The following SLC38A4 variants were observed in gnomAD, a reference collection of about 807,000 sequenced individuals.
The protein encoded by SLC38A4 is solute carrier family 38 member 4.
SLC38A4 carries 20 observed loss-of-function variants against 63.1 expected under a neutral mutation model. The observed-to-expected ratio is 0.32, with a 90% CI of 0.22 to 0.46. The LOEUF is 0.46. Among genes scored for constraint, SLC38A4 ranks in the 20% least tolerant of loss-of-function variants. The pLI is 1.00. For synonymous variants in SLC38A4, 230 were observed against 225.5 expected (o/e 1.02, Z -0.18); for missense variants, 526 against 663.6 (o/e 0.79, Z 2.28).
intron 14 of SLC38A4, among the ~76,000 whole-genome samples, chr12:46,770,298 A>C (rs1030370598): frequency 1.4e-5 from 2 of 143,530 alleles, no homozygotes; most frequent in African/African-American, 4.9e-5. Context: ...TTTTAAAATA[A>C]AATTTTAAAA....
upstream of SLC38A4, among the ~76,000 whole-genome samples, chr12:46,830,283 T>TTCTC (rs142069074): frequency 8.1e-3 from 1,200 of 148,034 alleles, 17 homozygotes; most frequent in African/African-American, 0.025. Context: ...ATTTAAGAAA[T>TTCTC]TCTCTCTCTC....
chr12:46,767,682 A>G (rs1447327360), intron 16 of SLC38A4, among the ~76,000 whole-genome samples: 2 of 152,148 alleles, frequency 1.3e-5, no homozygotes, highest in African/African-American at 4.8e-5. Context: ...AAGCCTTAAC[A>G]TGACTTTATT....
chr12:46,785,791 C>A (rs180434), intron 5 of SLC38A4, among the ~76,000 whole-genome samples: 1 of 142,106 alleles, frequency 7.0e-6, no homozygotes, highest in African/African-American at 2.6e-5. Flanking sequence ...GGTGTTAGGA[C>A]CCCCACATGC....
intron 1 of SLC38A4, among the ~76,000 whole-genome samples, chr12:46,808,984 T>A: frequency 6.6e-6 from 1 of 152,056 alleles, no homozygotes; most frequent in African/African-American, 2.4e-5. Context: ...TTTAAAAAAT[T>A]ACATTCTTCT....
At chr12:46,773,361 G>A (rs1323380027) in intron 14 of SLC38A4, among the ~76,000 whole-genome samples, 1 of 152,094 alleles carries the variant, frequency 6.6e-6, no homozygotes, top group African/African-American at 2.4e-5. Flanking sequence ...ACTCTGTGGG[G>A]CAGTGGAGCA....
At position 46,779,565 on chromosome 12, in the gene SLC38A4, A is replaced by C. The variant is rs757716975; in HGVS notation, c.717+46T>G. 3 of 1,510,492 alleles carry C rather than the reference A, an allele frequency of 2.0e-6. No homozygotes were observed. The Admixed American group carries it at 6.5e-5, about 33-fold the overall frequency. 93.6% of individuals were successfully genotyped at this position (1,510,492 alleles called of 1,614,324 possible). ...AGGACACTAATTTAGGCACAAAAAA[A>C]CTCATGCTAACCAACCTGCAAGGAT... On this transcript the variant is annotated intron_variant, in intron 10 of 16. Transcript: ENST00000266579.
At chr12:46,800,460 A>C (rs1036443144) in intron 2 of SLC38A4, among the ~76,000 whole-genome samples, 2 of 151,990 alleles carry the variant, frequency 1.3e-5, no homozygotes, top group African/African-American at 4.8e-5. Flanking sequence ...CTGCCACTGC[A>C]GGACCTCTTA....
chr12:46,814,010 C>T (rs944130397), intron 1 of SLC38A4, among the ~76,000 whole-genome samples: 2 of 151,872 alleles, frequency 1.3e-5, no homozygotes, highest in African/African-American at 2.4e-5. Context: ...GCAAATATTC[C>T]GGAACTCAGT....
chr12:46,772,485 G>A (rs1416105318), intron 14 of SLC38A4, among the ~76,000 whole-genome samples: 1 of 152,014 alleles, frequency 6.6e-6, no homozygotes, highest in Non-Finnish European at 1.5e-5. Context: ...TGCATAAAGG[G>A]AAGCATAAGC....
chr12:46,772,200 T>G (rs1938432783), intron 14 of SLC38A4, among the ~76,000 whole-genome samples: 1 of 151,876 alleles, frequency 6.6e-6, no homozygotes. Context: ...CAGGTTTGCT[T>G]AAGGCAAGGA....
Position 46,765,772 on chromosome 12 carries a change from G to T in SLC38A4, c.*929C>A, listed in dbSNP as rs1938285707. 6.2e-6 allele frequency: 1 copy of T among 161,258 alleles called. No homozygotes were observed. Among genetic ancestry groups the T allele is most frequent in the African/African-American group, 2.4e-5 (1 of 41,426 alleles). The allele number at this position is 161,258 out of a possible 1,614,324, so 10.0% of individuals were successfully genotyped here. A position where few individuals can be genotyped will look rare whatever the true frequency, so the allele number is the denominator to read the frequency against. Reference sequence around the variant, plus strand: ...ATACATAAACATATAGCAAATCACAGTTTCCTGCACTGAATGTTTATCAAA... The same window carrying T: ...ATACATAAACATATAGCAAATCACATTTTCCTGCACTGAATGTTTATCAAA... On this transcript the variant is annotated 3_prime_UTR_variant, in exon 17 of 17. Coordinates refer to ENST00000266579, the MANE Select transcript of SLC38A4 (RefSeq NM_018018.5).
chr12:46,782,743 A>G (rs1393838521), intron 7 of SLC38A4, among the ~76,000 whole-genome samples: 1 of 151,266 alleles, frequency 6.6e-6, no homozygotes, highest in Admixed American at 6.6e-5. Flanking sequence ...ATGTTACCTT[A>G]TTTCATCCTC....
intron 6 of SLC38A4, 139 bp downstream of exon 6, chr12:46,784,965 T>C: frequency 2.5e-6 from 2 of 797,238 alleles, no homozygotes; most frequent in Non-Finnish European, 4.2e-6. Flanking sequence ...CTATAAACAC[T>C]GAGAGATCGT....
Position 46,788,004 on chromosome 12 carries a change from A to G in SLC38A4, c.238T>C (p.Ser80Pro). ...ATGGCATTACTCAGGTTAAATGAAG[A>G]CATTCCAAAGGAAGTGGTTCCGGGA... is the stretch of plus-strand genomic sequence containing the variant. ...HHPGTTSFGM[S>P]SFNLSNAIMG... The change falls in exon 5 of 17, where the codon TCT becomes CCT. Residue 80 changes from serine (S) to proline (P), a missense_variant. By Grantham distance (74) the Ser-to-Pro change is moderately conservative. Transcript: ENST00000266579. 2 of 1,613,856 alleles carry G rather than the reference A, an allele frequency of 1.2e-6. No homozygotes were observed. The highest frequency in any genetic ancestry group is 1.7e-6 in the Non-Finnish European group (2 of 1,179,804).
chr12:46,785,265 A>T (rs1033227323), intron 5 of SLC38A4, 88 bp from the exon 6 acceptor site: 1 of 1,054,464 alleles, frequency 9.5e-7, no homozygotes, highest in African/African-American at 1.6e-5. Context: ...GATCACATTA[A>T]TCTTTTCAAT....
rs1938309832 is a variant in SLC38A4, at chr12:46,766,784, C to T, written c.1561G>A (p.Val521Ile). 6.2e-7 allele frequency: 1 copy of T among 1,610,304 alleles called. No homozygotes were observed. The highest frequency in any genetic ancestry group is 1.1e-5 in the South Asian group (1 of 90,676). The change falls in exon 17 of 17, where the codon GTT becomes ATT. Residue 521 changes from valine (V) to isoleucine (I), a missense_variant. By Grantham distance (29) the Val-to-Ile change is conservative. Transcript: ENST00000266579. ...CTTCCAATCATGAAGAATATTCCAA[C>T]CACAAGGAAAATTAAAGCCTGTAAT... ...QKVGALIFLV[V>I]GIFFMIGSMA...
At chr12:46,817,078 T>C (rs1381840397) in intron 1 of SLC38A4, among the ~76,000 whole-genome samples, 3 of 151,782 alleles carry the variant, frequency 2.0e-5, no homozygotes, top group African/African-American at 2.4e-5. Flanking sequence ...CAGGCTTGTG[T>C]ATATCTGTAA....
In SLC38A4 at chr12:46,818,162, T is replaced by A. The variant is rs74475476; in HGVS notation, c.-305+7741A>T. Among the ~76,000 whole-genome samples the A allele has an allele frequency of 2.4e-3, 364 of 151,996 alleles. 14 individuals are homozygous for A. The East Asian group carries it at 0.064, about 27-fold the overall frequency. On this transcript the variant is annotated intron_variant, in intron 1 of 16. Coordinates refer to ENST00000266579, the MANE Select transcript of SLC38A4 (RefSeq NM_018018.5). ...CCTTCATAATCCATGCTAGCATTTG[T>A]TTGTTATGAGATAATCCAATGGTTT...
intron 1 of SLC38A4, among the ~76,000 whole-genome samples, chr12:46,825,617 G>A (rs12318696): frequency 0.024 from 3,694 of 152,164 alleles, 164 homozygotes; most frequent in African/African-American, 0.086. Flanking sequence ...ATAGAGGTCA[G>A]TTTGGTCATA....
Sources: gnomAD v4.1 joint callset for allele counts (sites outside exome capture counted in the v4.1 genomes callset) on GRCh38, gnomAD v4.1.1 for gene constraint, MANE v1.5 for transcripts, NCBI Gene and HGNC (gene_info 2026-07-23, HGNC 2026-07-21) for gene names.